Variants in BMERB1 observed in about 807,000 individuals in gnomAD.
BMERB1 encodes bMERB domain-containing protein 1.
BMERB1 carries 12 observed loss-of-function variants against 23.6 expected under a neutral mutation model. That is an observed-to-expected ratio of 0.51 (90% confidence interval 0.33 to 0.82). The LOEUF (loss-of-function observed/expected upper bound fraction) is 0.82. BMERB1 is among the 40% of genes least tolerant of loss of function. The probability of loss-of-function intolerance (pLI) is 0.03; values close to 1 mark genes in which losing one functional copy is unlikely to be tolerated. For missense variants in BMERB1, 247 were observed against 255.4 expected, an observed-to-expected ratio of 0.97 and a Z score of 0.22; for synonymous variants, 122 against 96.6, an observed-to-expected ratio of 1.26 and a Z score of -1.54.
At chr16:15,529,122 T>G (rs909979163) in intron 2 of BMERB1, among the ~76,000 whole-genome samples, 1 of 152,184 alleles carries the variant, frequency 6.6e-6, no homozygotes, top group Non-Finnish European at 1.5e-5. Context: ...CCTCCCAGGT[T>G]CACGCCATTC....
chr16:15,550,860 T>C (rs1186517667), intron 2 of BMERB1, among the ~76,000 whole-genome samples: 2 of 152,160 alleles, frequency 1.3e-5, no homozygotes, highest in Admixed American at 1.3e-4. Flanking sequence ...AAGTGGAGAA[T>C]AAGAATACCA....
intron 1 of BMERB1, among the ~76,000 whole-genome samples, chr16:15,513,339 A>G (rs2051697159): frequency 1.3e-5 from 2 of 152,128 alleles, no homozygotes; most frequent in Admixed American, 1.3e-4. Flanking sequence ...GTGCTTCGTG[A>G]TACAGCCACA....
At chr16:15,565,554 A>G (rs958387777) in intron 2 of BMERB1, among the ~76,000 whole-genome samples, 7 of 152,368 alleles carry the variant, frequency 4.6e-5, no homozygotes, top group African/African-American at 1.7e-4. Context: ...TAGATGTTCA[A>G]TAAAGACGTG....
At chr16:15,480,250 T>C (rs2051308372) in intron 1 of BMERB1, among the ~76,000 whole-genome samples, 1 of 151,138 alleles carries the variant, frequency 6.6e-6, no homozygotes, top group African/African-American at 2.4e-5. Flanking sequence ...GTAGCTGGAC[T>C]ACAGGCACCC....
chr16:15,542,899 C>T (rs764625771), intron 2 of BMERB1, among the ~76,000 whole-genome samples: 7 of 151,896 alleles, frequency 4.6e-5, no homozygotes, highest in East Asian at 1.9e-4. Flanking sequence ...CCCATGGCAG[C>T]GTCTAGGGAT....
intron 2 of BMERB1, among the ~76,000 whole-genome samples, chr16:15,530,518 A>G (rs2051956745): frequency 6.6e-6 from 1 of 152,090 alleles, no homozygotes; most frequent in African/African-American, 2.4e-5. Context: ...AAACAATCTT[A>G]CTGCCTCAGC....
chr16:15,487,454 A>AT (rs1335965186), intron 1 of BMERB1, among the ~76,000 whole-genome samples: 1 of 152,056 alleles, frequency 6.6e-6, no homozygotes, highest in Non-Finnish European at 1.5e-5. Context: ...CATGGTAAAT[A>AT]TTTTTGTCTT....
At chr16:15,521,948 C>T (rs1188928627) in intron 2 of BMERB1, among the ~76,000 whole-genome samples, 1 of 152,174 alleles carries the variant, frequency 6.6e-6, no homozygotes, top group Non-Finnish European at 1.5e-5. Flanking sequence ...ACCTCAGACT[C>T]ATTTTCTCGC....
At chr16:15,551,445 A>C (rs2030089450) in intron 2 of BMERB1, among the ~76,000 whole-genome samples, 1 of 152,196 alleles carries the variant, frequency 6.6e-6, no homozygotes, top group South Asian at 2.1e-4. Context: ...ATGGGATAAC[A>C]AGGGGGCTAT....
intron 1 of BMERB1, among the ~76,000 whole-genome samples, chr16:15,452,787 G>C (rs908856778): frequency 1.3e-5 from 2 of 152,144 alleles, no homozygotes; most frequent in Non-Finnish European, 2.9e-5. Flanking sequence ...TAGCCTAAGT[G>C]TATCGGACCA....
At chr16:15,456,835 T>G (rs1263903568) in intron 1 of BMERB1, among the ~76,000 whole-genome samples, 3 of 151,398 alleles carry the variant, frequency 2.0e-5, no homozygotes, top group Non-Finnish European at 4.4e-5. Context: ...ATAAATTCAC[T>G]TTTTTTTTGA....
intron 2 of BMERB1, among the ~76,000 whole-genome samples, chr16:15,561,223 C>G (rs1179847832): frequency 7.3e-6 from 1 of 136,210 alleles, no homozygotes; most frequent in African/African-American, 2.8e-5. Flanking sequence ...TTCCAAACTG[C>G]TAGGATTACA....
In BMERB1 at chr16:15,587,091, AGGAAAGGT is replaced by A; in HGVS notation, c.*263_*270del. 2.1e-6 allele frequency: 1 copy of A among 473,100 alleles called. No homozygotes were observed. The highest frequency in any genetic ancestry group is 3.8e-6 in the Non-Finnish European group (1 of 266,642). 29.3% of individuals were successfully genotyped at this position (473,100 alleles called of 1,614,324 possible). On this transcript the variant is annotated 3_prime_UTR_variant, in exon 6 of 6. Coordinates refer to ENST00000300006, the MANE Select transcript of BMERB1 (RefSeq NM_033201.3). ...CTGTCTCACTGTTTATCCAAACACC[AGGAAAGGT>A]CCTCCCTCAAAAAAGCATATCTCCA...
intron 1 of BMERB1, among the ~76,000 whole-genome samples, chr16:15,502,585 G>A (rs1240893729): frequency 3.3e-5 from 5 of 152,154 alleles, no homozygotes; most frequent in Non-Finnish European, 7.3e-5. Context: ...ATGCTTGGGG[G>A]TTGGAATGAG....
At chr16:15,511,487 C>T (rs1463636168) in intron 1 of BMERB1, among the ~76,000 whole-genome samples, 1 of 152,132 alleles carries the variant, frequency 6.6e-6, no homozygotes, top group Admixed American at 6.5e-5. Context: ...TTCAGTGACC[C>T]CCTCTCCAAC....
intron 1 of BMERB1, among the ~76,000 whole-genome samples, chr16:15,499,177 A>G (rs1025793121): frequency 2.6e-5 from 4 of 151,896 alleles, no homozygotes; most frequent in African/African-American, 7.3e-5. Context: ...CTTATTTCCT[A>G]TTTCACTGCA....
chr16:15,509,244 T>C (rs2051628908), intron 1 of BMERB1, among the ~76,000 whole-genome samples: 1 of 149,472 alleles, frequency 6.7e-6, no homozygotes, highest in African/African-American at 2.5e-5. Context: ...GGTGGTTAAC[T>C]ACGCACTTTC....
At chr16:15,529,413 GAGGACTGAGATCT>G (rs1045175963) in intron 2 of BMERB1, among the ~76,000 whole-genome samples, 1 of 152,052 alleles carries the variant, frequency 6.6e-6, no homozygotes, top group Non-Finnish European at 1.5e-5. Context: ...CTGTCCCCTC[GAGGACTGAGATCT>G]AGGGCATTTC....
intron 2 of BMERB1, among the ~76,000 whole-genome samples, chr16:15,526,058 G>A (rs2051902056): frequency 1.3e-5 from 2 of 152,140 alleles, no homozygotes; most frequent in Admixed American, 1.3e-4. Flanking sequence ...GTAAAATTCA[G>A]TCTCTCGGTA....
Sources: gnomAD v4.1 joint callset for allele counts (sites outside exome capture counted in the v4.1 genomes callset) on GRCh38, gnomAD v4.1.1 for gene constraint, MANE v1.5 for transcripts, NCBI Gene and HGNC (gene_info 2026-07-23, HGNC 2026-07-21) for gene names.